CEP112: variants seen among roughly 807,000 people sequenced by gnomAD.
CEP112 encodes centrosomal protein 112, also known as centrosomal protein of 112 kDa.
CEP112 carries 127 observed loss-of-function variants against 153.0 expected under a neutral mutation model. The observed-to-expected ratio is 0.83, with a 90% CI of 0.72 to 0.96. The LOEUF (loss-of-function observed/expected upper bound fraction) is 0.96. Ranked by LOEUF, CEP112 falls within the 40% of genes least tolerant of loss-of-function variation. The pLI is 0.00. For synonymous variants in CEP112, 358 were observed against 374.4 expected (o/e 0.96, Z 0.51); for missense variants, 1,089 against 1,101.2 (o/e 0.99, Z 0.16).
intron 6 of CEP112, among the ~76,000 whole-genome samples, chr17:66,101,434 T>C (rs1652796094): frequency 1.3e-5 from 2 of 151,946 alleles, no homozygotes. Context: ...AGTTAAAAGA[T>C]AATCAAGAGG....
chr17:65,666,776 A>G (rs1193982616), intron 24 of CEP112, among the ~76,000 whole-genome samples: 3 of 146,816 alleles, frequency 2.0e-5, no homozygotes, highest in Non-Finnish European at 4.5e-5. Flanking sequence ...ATAATTAAAG[A>G]AAAAAAAAAC....
At chr17:65,909,213 A>G (rs2143767706) in intron 19 of CEP112, among the ~76,000 whole-genome samples, 1 of 152,358 alleles carries the variant, frequency 6.6e-6, no homozygotes, top group Non-Finnish European at 1.5e-5. Context: ...AAATGATGGT[A>G]TAAAATACTA....
chr17:66,144,606 T>C (rs2070844498), intron 4 of CEP112, among the ~76,000 whole-genome samples: 1 of 152,078 alleles, frequency 6.6e-6, no homozygotes, highest in Admixed American at 6.5e-5. Flanking sequence ...GGCAGGAGAA[T>C]TGCTTGAACC....
At chr17:65,967,634 GAAGT>G (rs374209721) in intron 17 of CEP112, among the ~76,000 whole-genome samples, 11 of 152,110 alleles carry the variant, frequency 7.2e-5, no homozygotes, top group African/African-American at 2.7e-4. Context: ...ACGTAACAAT[GAAGT>G]AAGAGGCTAT....
chr17:66,117,488 TTTTAAA>T (rs1198829196), intron 6 of CEP112, among the ~76,000 whole-genome samples: 5 of 152,216 alleles, frequency 3.3e-5, no homozygotes, highest in Non-Finnish European at 2.9e-5. Context: ...TTTTTGAATT[TTTTAAA>T]TTTAAATTCC....
Position 65,752,014 on chromosome 17 carries a change from TCATCCATCCATCCATC to T in CEP112, c.2395-1306_2395-1291del, listed in dbSNP as rs150841318. ...TCTATCTATCTATCTACTGTTCCTT[TCATCCATCCATCCATC>T]CATCCATCCATCCATCCATCCATCC... On this transcript the variant is annotated intron_variant, in intron 21 of 26. Coordinates refer to ENST00000535342, the MANE Select transcript of CEP112 (RefSeq NM_001199165.4). 4.6e-3 allele frequency among the ~76,000 whole-genome samples: 375 copies of T among 81,054 alleles called. 1 individual carries two copies. The highest frequency in any genetic ancestry group is 0.019 in the African/African-American group (365 of 19,694). 53.2% of individuals were successfully genotyped at this position (81,054 alleles called of 152,430 possible).
intron 23 of CEP112, among the ~76,000 whole-genome samples, chr17:65,738,628 G>A (rs2050940585): frequency 6.6e-6 from 1 of 152,030 alleles, no homozygotes; most frequent in Admixed American, 6.6e-5. Flanking sequence ...AACTGTTACA[G>A]TTTTTTATTC....
intron 20 of CEP112, among the ~76,000 whole-genome samples, 188 bp from the exon 21 acceptor site, chr17:65,852,222 C>G (rs781331605): frequency 1.8e-4 from 4 of 21,650 alleles, no homozygotes; most frequent in Non-Finnish European, 4.5e-4. Flanking sequence ...TTCCCTCCCT[C>G]TTTCCCTCTC....
At chr17:65,862,982 A>C (rs1458525819) in intron 20 of CEP112, among the ~76,000 whole-genome samples, 1 of 152,140 alleles carries the variant, frequency 6.6e-6, no homozygotes, top group Non-Finnish European at 1.5e-5. Context: ...GTTAATTAAA[A>C]AATAATATAT....
At chr17:65,821,910 CA>C (rs1012071236) in intron 21 of CEP112, among the ~76,000 whole-genome samples, 9 of 151,622 alleles carry the variant, frequency 5.9e-5, no homozygotes, top group Non-Finnish European at 1.2e-4. Flanking sequence ...GAAGGTATCA[CA>C]AACAATGCTC....
intron 17 of CEP112, among the ~76,000 whole-genome samples, chr17:65,990,695 G>A (rs1358944294): frequency 1.3e-5 from 2 of 152,194 alleles, no homozygotes; most frequent in African/African-American, 2.4e-5. Flanking sequence ...GAACTTGAAG[G>A]GCAGTCTAGG....
rs116598619 is a variant in CEP112 at position 65,825,336 on chromosome 17, G to A, written c.2394+26468C>T. Among the ~76,000 whole-genome samples the A allele has an allele frequency of 3.1e-3, 477 of 152,262 alleles. 3 individuals carry two copies. The highest frequency in any genetic ancestry group is 0.011 in the African/African-American group (456 of 41,556). On this transcript the variant is annotated intron_variant, in intron 21 of 26. Coordinates refer to ENST00000535342, the MANE Select transcript of CEP112 (RefSeq NM_001199165.4). Reference sequence around the variant, plus strand: ...GGAAGACAACATTTCCACAGGATGAGGGTAGAAGGATGGTTTTGGGATGAA... The same window carrying A: ...GGAAGACAACATTTCCACAGGATGAAGGTAGAAGGATGGTTTTGGGATGAA...
intron 21 of CEP112, among the ~76,000 whole-genome samples, chr17:65,824,891 AATGATGCAG>A (rs2146051214): frequency 6.6e-6 from 1 of 152,348 alleles, no homozygotes; most frequent in African/African-American, 2.4e-5. Context: ...GGGAATGTAA[AATGATGCAG>A]ATGCTATGGA....
At chr17:66,129,959 A>C (rs1195709828) in intron 5 of CEP112, 136 bp from the exon 6 acceptor site, 1 of 542,214 alleles carries the variant, frequency 1.8e-6, no homozygotes, top group Non-Finnish European at 3.3e-6. Flanking sequence ...AAAAAGGAAA[A>C]AAGGAAGAAA....
chr17:65,674,805 G>A (rs2047147503), intron 24 of CEP112, among the ~76,000 whole-genome samples: 1 of 152,084 alleles, frequency 6.6e-6, no homozygotes, highest in Admixed American at 6.5e-5. Flanking sequence ...TAAAATATCT[G>A]GCACTCAATC....
At chr17:65,969,498 T>G (rs1368505051) in intron 17 of CEP112, among the ~76,000 whole-genome samples, 2 of 152,204 alleles carry the variant, frequency 1.3e-5, no homozygotes, top group East Asian at 3.8e-4. Flanking sequence ...CACACAGGTA[T>G]ACTGTATTTG....
chr17:65,756,548 C>T (rs1472884483), intron 21 of CEP112, among the ~76,000 whole-genome samples: 2 of 149,762 alleles, frequency 1.3e-5, no homozygotes, highest in African/African-American at 2.5e-5. Flanking sequence ...GAATTGATCA[C>T]AGTAGTTTGG....
intron 21 of CEP112, among the ~76,000 whole-genome samples, chr17:65,839,593 T>C (rs2057442796): frequency 1.3e-5 from 2 of 152,076 alleles, no homozygotes; most frequent in Admixed American, 1.3e-4. Flanking sequence ...GAGCCTTTTC[T>C]CTAAAATCTG....
intron 23 of CEP112, among the ~76,000 whole-genome samples, chr17:65,730,573 G>A (rs1300469683): frequency 6.6e-6 from 1 of 152,210 alleles, no homozygotes; most frequent in East Asian, 1.9e-4. Flanking sequence ...TGCATACAGG[G>A]GAGACAGGAA....
Sources: allele counts gnomAD v4.1 joint callset (sites outside exome capture counted in the v4.1 genomes callset), GRCh38; gene constraint gnomAD v4.1.1; transcripts MANE v1.5; gene names NCBI Gene and HGNC (gene_info 2026-07-23, HGNC 2026-07-21).